Variants in HMBOX1 observed in about 807,000 individuals in gnomAD.
HMBOX1 encodes the protein homeobox containing 1, also known as homeobox-containing protein 1.
In HMBOX1, 14 loss-of-function variants were observed where a neutral mutation model predicts 54.5. The observed-to-expected ratio is 0.26, with a 90% CI of 0.17 to 0.40. HMBOX1 has a LOEUF of 0.40. Ranked by LOEUF, HMBOX1 falls within the 10% of genes least tolerant of loss-of-function variation. The pLI, the probability that HMBOX1 is intolerant of heterozygous loss-of-function variation, is 1.00. For synonymous variants in HMBOX1, 160 were observed against 181.0 expected (o/e 0.88, Z 0.93); for missense variants, 332 against 514.4 (o/e 0.65, Z 3.43).
At chr8:29,010,799 A>G (rs1485605986) in intron 5 of HMBOX1, among the ~76,000 whole-genome samples, 1 of 152,022 alleles carries the variant, frequency 6.6e-6, no homozygotes, top group Non-Finnish European at 1.5e-5. Flanking sequence ...CTCTTTCTTT[A>G]GTATCTCTTT....
chr8:29,002,470 C>T (rs901658951), intron 4 of HMBOX1, among the ~76,000 whole-genome samples: 6 of 152,122 alleles, frequency 3.9e-5, no homozygotes, highest in African/African-American at 7.2e-5. Context: ...GGTAGTAAGA[C>T]CAGAAGGATC....
At chr8:28,915,638 A>G (rs146124561) in intron 1 of HMBOX1, 2 of 150,632 alleles carry the variant, frequency 1.3e-5, no homozygotes, top group Admixed American at 6.6e-5. Flanking sequence ...TCACAGGTGT[A>G]TGAGAGTTTT....
At chr8:28,917,066 C>CAAA (rs35179018) in intron 1 of HMBOX1, among the ~76,000 whole-genome samples, 1 of 70,982 alleles carries the variant, frequency 1.4e-5, no homozygotes, top group Non-Finnish European at 3.0e-5. Flanking sequence ...GACCCTGTCT[C>CAAA]AAAAAAAAAA....
chr8:28,981,218 T>C (rs1829285394), intron 4 of HMBOX1, among the ~76,000 whole-genome samples: 1 of 152,172 alleles, frequency 6.6e-6, no homozygotes. Flanking sequence ...TCTTTTATAG[T>C]GTGTGTGTTT....
At chr8:28,968,743 A>G (rs900956220) in intron 2 of HMBOX1, among the ~76,000 whole-genome samples, 1 of 152,218 alleles carries the variant, frequency 6.6e-6, no homozygotes, top group Non-Finnish European at 1.5e-5. Flanking sequence ...ATTTCTTGAC[A>G]TCTGTTTCCA....
chr8:29,003,473 A>G (rs1431686880), intron 4 of HMBOX1, among the ~76,000 whole-genome samples: 1 of 124,246 alleles, frequency 8.0e-6, no homozygotes, highest in African/African-American at 3.1e-5. Flanking sequence ...GTATGTTTTT[A>G]AAACAACTGG....
chr8:29,028,570 A>G (rs545496542), intron 6 of HMBOX1, among the ~76,000 whole-genome samples: 2 of 151,880 alleles, frequency 1.3e-5, no homozygotes, highest in South Asian at 4.1e-4. Flanking sequence ...GTGAAGGTTA[A>G]GACTAACAGT....
chr8:28,943,299 C>T (rs1377686060), intron 1 of HMBOX1, among the ~76,000 whole-genome samples: 2 of 152,144 alleles, frequency 1.3e-5, no homozygotes, highest in African/African-American at 4.8e-5. Flanking sequence ...CCCAAGGAAG[C>T]AGTGAGGACC....
At chr8:28,945,469 C>A (rs897872047) in intron 1 of HMBOX1, among the ~76,000 whole-genome samples, 1 of 152,152 alleles carries the variant, frequency 6.6e-6, no homozygotes, top group African/African-American at 2.4e-5. Context: ...AAGAATAGGA[C>A]TGAAGGTAGG....
intron 1 of HMBOX1, among the ~76,000 whole-genome samples, chr8:28,958,931 A>G (rs1472558329): frequency 6.6e-6 from 1 of 152,070 alleles, no homozygotes; most frequent in Non-Finnish European, 1.5e-5. Flanking sequence ...CTAAAGATGG[A>G]CCACTCTTGC....
intron 9 of HMBOX1, chr8:29,049,470 G>T (rs1806113201): frequency 1.4e-6 from 2 of 1,475,566 alleles, no homozygotes; most frequent in East Asian, 5.0e-5. Flanking sequence ...GCCTAAACAC[G>T]TACCGACGCA....
chr8:29,029,108 A>C (rs1802515288), intron 6 of HMBOX1, among the ~76,000 whole-genome samples: 2 of 152,144 alleles, frequency 1.3e-5, no homozygotes, highest in Non-Finnish European at 2.9e-5. Context: ...AAAACACTCT[A>C]CTTCTTGAAG....
chr8:29,049,469 C>A, intron 9 of HMBOX1: 1 of 1,476,356 alleles, frequency 6.8e-7, no homozygotes, highest in Admixed American at 2.1e-5. Context: ...TGCCTAAACA[C>A]GTACCGACGC....
At chr8:29,049,156 C>T (rs1477883169) in intron 9 of HMBOX1, 108 bp downstream of exon 9, 1 of 1,462,192 alleles carries the variant, frequency 6.8e-7, no homozygotes, top group East Asian at 2.3e-5. Flanking sequence ...GGGAAACAGT[C>T]ACTGTCCCTC....
intron 1 of HMBOX1, among the ~76,000 whole-genome samples, chr8:28,958,970 A>G (rs932045334): frequency 1.3e-5 from 2 of 152,172 alleles, no homozygotes; most frequent in African/African-American, 2.4e-5. Flanking sequence ...GTGGTATACA[A>G]TGGACCCCCC....
intron 6 of HMBOX1, among the ~76,000 whole-genome samples, chr8:29,021,342 A>G (rs1336835140): frequency 6.6e-6 from 1 of 152,176 alleles, no homozygotes; most frequent in African/African-American, 2.4e-5. Context: ...CCATGACCCA[A>G]AATCTAAAAA....
At chr8:28,960,753 C>CTTTTTTTTTTTTTTGTTTTTTTTTTT in intron 1 of HMBOX1, among the ~76,000 whole-genome samples, 1 of 65,658 alleles carries the variant, frequency 1.5e-5, no homozygotes, top group Non-Finnish European at 2.9e-5. Flanking sequence ...TTCTCTTTTT[C>CTTTTTTTTTTTTTTGTTTTTTTTTTT]TTTTTCTTTT....
intron 1 of HMBOX1, among the ~76,000 whole-genome samples, chr8:28,951,180 T>G (rs189691341): frequency 1.3e-5 from 2 of 152,380 alleles, no homozygotes; most frequent in Non-Finnish European, 2.9e-5. Context: ...GTCACCAGGC[T>G]GGAGTGCAGT....
rs183591275 is a variant in HMBOX1, at chr8:29,032,916, G to A, written c.852-12445G>A. ...AATCGTAAGGCATTCAAATCAATTC[G>A]ATGATTGATAATAATAATCAAAAGA... On this transcript the variant is annotated intron_variant, in intron 6 of 9. Coordinates refer to ENST00000287701, the MANE Select transcript of HMBOX1 (RefSeq NM_001135726.3). 4.7e-3 allele frequency among the ~76,000 whole-genome samples: 703 copies of A among 150,818 alleles called. 4 individuals are homozygous for A. The highest frequency in any genetic ancestry group is 0.016 in the African/African-American group (654 of 41,442).
Sources: gnomAD v4.1 joint callset for allele counts (sites outside exome capture counted in the v4.1 genomes callset) on GRCh38, gnomAD v4.1.1 for gene constraint, MANE v1.5 for transcripts, NCBI Gene and HGNC (gene_info 2026-07-23, HGNC 2026-07-21) for gene names.